Variants in IL6ST observed in about 807,000 individuals in gnomAD.
The protein encoded by IL6ST is interleukin-6 receptor subunit beta.
IL6ST carries 24 observed loss-of-function variants against 91.3 expected under a neutral mutation model. The ratio of observed to expected loss-of-function variants is 0.26; its 90% confidence interval spans 0.19 to 0.37. The LOEUF is 0.37. Among genes scored for constraint, IL6ST ranks in the 10% least tolerant of loss-of-function variants. IL6ST has a pLI of 1.00. For missense variants in IL6ST, 914 were observed against 1,078.5 expected, an observed-to-expected ratio of 0.85 and a Z score of 2.14; for synonymous variants, 351 against 373.6, an observed-to-expected ratio of 0.94 and a Z score of 0.70.
rs1180867411 is a variant in IL6ST, at chr5:55,951,993, A to G, written c.1635T>C (p.Asp545=). The G allele has an allele frequency of 6.3e-7, 1 of 1,578,348 alleles. No individual in the cohort carries two copies. The highest frequency in any genetic ancestry group is 1.3e-5 in the African/African-American group (1 of 74,224). ...AVLEWDQLPV[D]VQNGFIRNYT... ...AATTTCTGATAAATCCATTCTGAAC[A>G]TCAACAGGAAGTTGGTCCCACTCTA... The change falls in exon 13 of 17, where the codon GAT becomes GAC. Residue 545 remains aspartate, a synonymous_variant. Transcript: ENST00000381298.
intron 7 of IL6ST, among the ~76,000 whole-genome samples, 200 bp downstream of exon 7, chr5:55,963,152 T>C (rs941735863): frequency 6.6e-6 from 1 of 151,862 alleles, no homozygotes; most frequent in Non-Finnish European, 1.5e-5. Flanking sequence ...ACTTAAAGGC[T>C]ACTGTATTTA....
intron 15 of IL6ST, among the ~76,000 whole-genome samples, chr5:55,945,040 C>CAAAAA (rs368225632): frequency 7.0e-5 from 5 of 71,926 alleles, no homozygotes; most frequent in African/African-American, 1.0e-4. Context: ...GGAATTAAAT[C>CAAAAA]AAAAAAAAAA....
chr5:55,971,055 A>G (rs1187128222), intron 3 of IL6ST, among the ~76,000 whole-genome samples: 1 of 152,228 alleles, frequency 6.6e-6, no homozygotes, highest in Non-Finnish European at 1.5e-5. Context: ...CATGCTTTCA[A>G]TAGCCCATTA....
Position 55,988,346 on chromosome 5 carries a change from AGAGT to A in IL6ST, c.-103-5539_-103-5536del, listed in dbSNP as rs1302256006. 3.9e-5 allele frequency among the ~76,000 whole-genome samples: 6 copies of A among 152,284 alleles called. No homozygotes were observed. In the East Asian group the frequency reaches 9.6e-4, roughly 24 times the overall value. On this transcript the variant is annotated intron_variant, in intron 1 of 16. Coordinates refer to ENST00000381298, the MANE Select transcript of IL6ST (RefSeq NM_002184.4). Reference sequence around the variant, plus strand: ...GAATGATATGATCATCTATCAAGAAAGAGTGAGAATCACATGACAAACTATTAGG... The same window carrying A: ...GAATGATATGATCATCTATCAAGAAAGAGAATCACATGACAAACTATTAGG...
chr5:55,993,401 CTG>C (rs1754445067), intron 1 of IL6ST, among the ~76,000 whole-genome samples: 1 of 152,202 alleles, frequency 6.6e-6, no homozygotes, highest in Non-Finnish European at 1.5e-5. Flanking sequence ...CGCCCTAACA[CTG>C]AACTGAAGTG....
At chr5:55,946,499 C>T (rs1322348740) in intron 15 of IL6ST, among the ~76,000 whole-genome samples, 1 of 152,156 alleles carries the variant, frequency 6.6e-6, no homozygotes, top group Non-Finnish European at 1.5e-5. Context: ...ATCCATACTA[C>T]AGAATACTGT....
rs892252735 is a variant in IL6ST at position 55,939,277 on chromosome 5, C to G, written c.*1805G>C. 1.4e-5 allele frequency: 3 copies of G among 210,146 alleles called. No individual in the cohort carries two copies. Among genetic ancestry groups the G allele is most frequent in the African/African-American group, 6.8e-5 (3 of 44,068 alleles). The allele number at this position is 210,146 out of a possible 1,614,324, so 13.0% of individuals were successfully genotyped here. ...CTCTGTGCCTGATTTTCCTCATCTA[C>G]TTTGAATTCGTCATTCTATTAATCT... is the stretch of plus-strand genomic sequence containing the variant. On this transcript the variant is annotated 3_prime_UTR_variant, in exon 17 of 17. Transcript: ENST00000381298.
At position 55,941,817 on chromosome 5, in the gene IL6ST, G is replaced by A; in HGVS notation, c.2022C>T (p.His674=). 6.2e-7 allele frequency: 1 copy of A among 1,605,056 alleles called. No individual in the cohort carries two copies. The highest frequency in any genetic ancestry group is 8.5e-7 in the Non-Finnish European group (1 of 1,176,438). The change falls in exon 17 of 17, where the codon CAC becomes CAT. Residue 674 remains histidine, a splice_region_variant and synonymous_variant. Coordinates refer to ENST00000381298, the MANE Select transcript of IL6ST (RefSeq NM_002184.4). ...AQWSPHTPPR[H]NFNSKDQMYS... is the part of the protein sequence containing the mutation. Reference sequence around the variant, plus strand: ...ACATTTGATCTTTTGAATTAAAATTGTGCTAAGGAAGAGAAAAAATTGTAT... The same window carrying A: ...ACATTTGATCTTTTGAATTAAAATTATGCTAAGGAAGAGAAAAAATTGTAT...
rs1172346248 is a variant in IL6ST at position 55,940,897 on chromosome 5, A to G, written c.*185T>C. 1.9e-4 allele frequency: 111 copies of G among 596,460 alleles called. No homozygotes were observed. The highest frequency in any genetic ancestry group is 2.7e-5 in the Non-Finnish European group (9 of 339,440). The allele number at this position is 596,460 out of a possible 1,614,324, so 36.9% of individuals were successfully genotyped here. On this transcript the variant is annotated 3_prime_UTR_variant, in exon 17 of 17. Transcript: ENST00000381298. ...GATAAAGTCAGTTTATGTAGTGCTT[A>G]AAGTAGAATCCCAGATATTCTGGAA... is the stretch of plus-strand genomic sequence containing the variant.
chr5:55,955,822 G>A (rs1751920390), intron 10 of IL6ST, among the ~76,000 whole-genome samples: 2 of 152,142 alleles, frequency 1.3e-5, no homozygotes, highest in Admixed American at 1.3e-4. Flanking sequence ...TTCGAGACCA[G>A]CCTGAGCAAC....
intron 5 of IL6ST, among the ~76,000 whole-genome samples, chr5:55,965,799 A>G (rs570750562): frequency 6.7e-6 from 1 of 149,784 alleles, no homozygotes; most frequent in East Asian, 2.0e-4. Context: ...TGGTCAAAAG[A>G]GCAAAACTCT....
At chr5:55,948,343 T>C (rs1294267268) in intron 14 of IL6ST, among the ~76,000 whole-genome samples, 2 of 152,150 alleles carry the variant, frequency 1.3e-5, no homozygotes, top group African/African-American at 4.8e-5. Context: ...GAATTTTACT[T>C]AGTCTTTTAC....
At chr5:55,971,828 A>T (rs922164979) in intron 3 of IL6ST, among the ~76,000 whole-genome samples, 1 of 152,138 alleles carries the variant, frequency 6.6e-6, no homozygotes, top group Admixed American at 6.5e-5. Context: ...TGTATCCCCA[A>T]ATGGAATCCC....
chr5:55,969,836 A>G lies in IL6ST; in HGVS notation c.84T>C (p.Cys28=), dbSNP rs1391933947. The G allele has an allele frequency of 6.3e-6, 10 of 1,598,902 alleles. No homozygotes were observed. The highest frequency in any genetic ancestry group is 8.6e-6 in the Non-Finnish European group (10 of 1,168,774). ...CTGGAGATTCAGGACTGATATAACC[A>G]CATGGATCTAGAAGTTCACCTAAAA... ...TESTGELLDP[C]GYISPESPVV... is the part of the protein sequence containing the mutation. The change falls in exon 4 of 17, where the codon TGT becomes TGC. Residue 28 remains cysteine, a synonymous_variant. Transcript: ENST00000381298.
chr5:55,977,774 C>T (rs915763517), intron 2 of IL6ST, among the ~76,000 whole-genome samples: 6 of 151,858 alleles, frequency 4.0e-5, no homozygotes, highest in African/African-American at 1.2e-4. Context: ...TGCAGTAAGC[C>T]CAGATCATGC....
At position 55,970,056 on chromosome 5, in the gene IL6ST, AGAT is replaced by A. The variant is rs546856934; in HGVS notation, c.65-204_65-202del. 1.4e-3 allele frequency among the ~76,000 whole-genome samples: 207 copies of A among 152,352 alleles called. No individual in the cohort carries two copies. In the Middle Eastern group the frequency reaches 0.017, roughly 13 times the overall value. On this transcript the variant is annotated intron_variant, in intron 3 of 16. Coordinates refer to ENST00000381298, the MANE Select transcript of IL6ST (RefSeq NM_002184.4). ...TTGTAAAGAAATATACAAATTATAAAGATAATAGAGCTGAATTAAGAAAAACCC... is the reference window on the plus strand; with the variant it reads ...TTGTAAAGAAATATACAAATTATAAAAATAGAGCTGAATTAAGAAAAACCC...
intron 1 of IL6ST, among the ~76,000 whole-genome samples, chr5:55,988,555 T>C (rs1019831413): frequency 2.0e-5 from 3 of 147,516 alleles, no homozygotes; most frequent in South Asian, 4.4e-4. Context: ...TCACCTGAGG[T>C]TGGGAGTTCG....
intron 2 of IL6ST, among the ~76,000 whole-genome samples, chr5:55,980,107 T>C (rs886564283): frequency 2.0e-5 from 3 of 152,198 alleles, no homozygotes; most frequent in African/African-American, 4.8e-5. Context: ...ACAGTATCTC[T>C]AGGAGGATAA....
chr5:55,964,384 G>T, intron 5 of IL6ST, 72 bp from the exon 6 acceptor site: 1 of 1,114,178 alleles, frequency 9.0e-7, no homozygotes, highest in Non-Finnish European at 1.3e-6. Flanking sequence ...AAAATTACTT[G>T]CAAAGAGTTT....
Sources: gnomAD v4.1 joint callset for allele counts (sites outside exome capture counted in the v4.1 genomes callset) on GRCh38, gnomAD v4.1.1 for gene constraint, MANE v1.5 for transcripts, NCBI Gene and HGNC (gene_info 2026-07-23, HGNC 2026-07-21) for gene names.